Variants in ABCG5 observed in about 807,000 individuals in gnomAD.
ABCG5 encodes the protein ATP binding cassette subfamily G member 5.
Under a neutral mutation model 64.5 loss-of-function variants are expected in ABCG5, and 64 were observed. That is an observed-to-expected ratio of 0.99 (90% CI 0.81 to 1.22). ABCG5 has a LOEUF of 1.22. Among genes scored for constraint, ABCG5 ranks in the 50% most tolerant of loss-of-function variants. ABCG5 has a pLI of 0.00. For synonymous variants in ABCG5, 385 were observed against 326.3 expected (o/e 1.18, Z -1.94); for missense variants, 908 against 829.5 (o/e 1.09, Z -1.16).
At chr2:43,837,038 A>AAG (rs1176121163) in intron 2 of ABCG5, among the ~76,000 whole-genome samples, 3 of 151,594 alleles carry the variant, frequency 2.0e-5, no homozygotes, top group Non-Finnish European at 4.4e-5. Context: ...CAAAAAAGAA[A>AAG]AAAAAAGAAA....
Position 43,837,967 on chromosome 2 carries a change from A to G in ABCG5, c.144-12T>C. 6.2e-7 allele frequency: 1 copy of G among 1,613,562 alleles called. No individual in the cohort carries two copies. The highest frequency in any genetic ancestry group is 8.5e-7 in the Non-Finnish European group (1 of 1,179,732). On this transcript the variant is annotated splice_polypyrimidine_tract_variant and intron_variant, in intron 1 of 12. Coordinates refer to ENST00000405322, the MANE Select transcript of ABCG5 (RefSeq NM_022436.3). ...GCCTCACGCGGTGGCTTTAAAGGAA[A>G]CCCCAGGAAGGCAAAGGCAGCTTGG...
intron 12 of ABCG5, among the ~76,000 whole-genome samples, chr2:43,813,673 TG>T (rs1255133755): frequency 0.012 from 1,797 of 148,360 alleles, 21 homozygotes; most frequent in Non-Finnish European, 0.02. Flanking sequence ...TTTTTTTGGT[TG>T]TTTTTTTTTT....
intron 10 of ABCG5, among the ~76,000 whole-genome samples, chr2:43,822,313 T>TGAAACTCTCTCCTTCCTC (rs1667264121): frequency 6.6e-6 from 1 of 152,318 alleles, no homozygotes; most frequent in African/African-American, 2.4e-5. Flanking sequence ...GACACTTCCT[T>TGAAACTCTCTCCTTCCTC]GAAACTCTCT....
At chr2:43,829,053 A>G (rs1341907471) in intron 4 of ABCG5, among the ~76,000 whole-genome samples, 1 of 152,194 alleles carries the variant, frequency 6.6e-6, no homozygotes, top group Non-Finnish European at 1.5e-5. Flanking sequence ...AGGAAAATTA[A>G]CCAGGAAACA....
chr2:43,831,335 A>G (rs1180913358), intron 4 of ABCG5, among the ~76,000 whole-genome samples: 3 of 151,920 alleles, frequency 2.0e-5, no homozygotes, highest in African/African-American at 4.8e-5. Context: ...ACCACGTCCA[A>G]CTAATTTTTG....
intron 1 of ABCG5, 22 bp from the exon 2 acceptor site, chr2:43,837,977 G>C: frequency 1.2e-6 from 2 of 1,613,516 alleles, no homozygotes; most frequent in South Asian, 2.2e-5. Context: ...ACCCCAGGAA[G>C]GCAAAGGCAG....
chr2:43,822,467 C>G, intron 10 of ABCG5: 13 of 797,698 alleles, frequency 1.6e-5, no homozygotes, highest in Non-Finnish European at 1.9e-5. Context: ...CTGCTTTCTC[C>G]CCTCCCCCAG....
At position 43,824,332 on chromosome 2, in the gene ABCG5, A is replaced by G. The variant is rs1220080510; in HGVS notation, c.1005T>C (p.Cys335=). ...IESAYKKSAI[C]HKTLKNIERM... ...TTTCAATATTCTTCAAAGTTTTATG[A>G]CAAATTGCTGATTTCTTGTAGGCAG... Residue 335 remains cysteine (C), a synonymous_variant, in exon 8 of 13, where the codon TGT becomes TGC. Transcript: ENST00000405322. 1.2e-6 allele frequency: 2 copies of G among 1,614,076 alleles called. No homozygotes were observed. The highest frequency in any genetic ancestry group is 1.7e-5 in the Admixed American group (1 of 60,002).
chr2:43,811,193 A>G (rs1666468352), downstream of ABCG5, among the ~76,000 whole-genome samples: 2 of 152,214 alleles, frequency 1.3e-5, no homozygotes, highest in African/African-American at 4.8e-5. Context: ...TTAATAGATT[A>G]TCATCTCCAG....
chr2:43,807,771 AAAG>A (rs1666321933), downstream of ABCG5, among the ~76,000 whole-genome samples: 2 of 150,606 alleles, frequency 1.3e-5, no homozygotes, highest in Admixed American at 6.6e-5. Flanking sequence ...AAAAAAAAAA[AAAG>A]GTTACAGTTA....
downstream of ABCG5, among the ~76,000 whole-genome samples, chr2:43,807,520 A>G (rs1390790681): frequency 6.6e-6 from 1 of 151,818 alleles, no homozygotes; most frequent in Non-Finnish European, 1.5e-5. Flanking sequence ...GCTCACTGCA[A>G]CCTTGAACTC....
intron 12 of ABCG5, among the ~76,000 whole-genome samples, chr2:43,813,671 GTTGTTTTTTTT>G (rs1260129186): frequency 3.1e-5 from 2 of 64,098 alleles, no homozygotes; most frequent in African/African-American, 6.0e-5. Context: ...GATTTTTTTG[GTTGTTTTTTTT>G]TTGTTTTTTT....
the ABCG5 span, among the ~76,000 whole-genome samples, chr2:43,806,707 T>C: frequency 6.6e-6 from 1 of 152,190 alleles, no homozygotes; most frequent in Non-Finnish European, 1.5e-5. Context: ...ATCAGTATTA[T>C]TAAAGGATTA....
At chr2:43,823,548 C>T (rs4148188) in intron 9 of ABCG5, among the ~76,000 whole-genome samples, 58,942 of 151,912 alleles carry the variant, frequency 0.39, 12,006 homozygotes, top group East Asian at 0.81. Context: ...AAAATCAGCT[C>T]CAAAGAGAAG....
At position 43,824,336 on chromosome 2, in the gene ABCG5, A is replaced by C. The variant is rs1171117803; in HGVS notation, c.1001T>G (p.Ile334Ser). 18 of 1,614,146 alleles carry C rather than the reference A, an allele frequency of 1.1e-5. No individual in the cohort carries two copies. Among genetic ancestry groups the C allele is most frequent in the Non-Finnish European group, 1.5e-5 (18 of 1,180,046 alleles). Residue 334 changes from isoleucine to serine, a missense_variant, in exon 8 of 13, where the codon ATT becomes AGT. By Grantham distance (142) the Ile-to-Ser change is moderately radical. Coordinates refer to ENST00000405322, the MANE Select transcript of ABCG5 (RefSeq NM_022436.3). Reference protein sequence around the residue: ...MIESAYKKSAICHKTLKNIER... With the variant: ...MIESAYKKSASCHKTLKNIER... Reference sequence around the variant, plus strand: ...AATATTCTTCAAAGTTTTATGACAAATTGCTGATTTCTTGTAGGCAGATTC... The same window carrying C: ...AATATTCTTCAAAGTTTTATGACAACTTGCTGATTTCTTGTAGGCAGATTC...
chr2:43,822,480 C>CAA, intron 10 of ABCG5: 1 of 737,110 alleles, frequency 1.4e-6, no homozygotes, highest in Non-Finnish European at 1.6e-6. Flanking sequence ...TCCCCCAGGC[C>CAA]CCCCCCCATG....
chr2:43,814,300 C>T (rs1354894205), intron 12 of ABCG5, among the ~76,000 whole-genome samples, 177 bp downstream of exon 12: 1 of 152,152 alleles, frequency 6.6e-6, no homozygotes, highest in Non-Finnish European at 1.5e-5. Context: ...ACTAACTTGA[C>T]TACTGCTTAT....
chr2:43,827,922 A>C (rs749340927), intron 5 of ABCG5, 61 bp downstream of exon 5: 2 of 1,607,998 alleles, frequency 1.2e-6, no homozygotes, highest in East Asian at 4.5e-5. Flanking sequence ...GGCCCAAAGT[A>C]TCTGCACACA....
Position 43,812,850 on chromosome 2 carries a change from T to C in ABCG5, c.*266A>G, listed in dbSNP as rs1004610396. ...GTCACACGAGTCTCCCATAGGTTTA[T>C]GAATATTATTTACATTCTTGGGTCC... is the stretch of plus-strand genomic sequence containing the variant. On this transcript the variant is annotated 3_prime_UTR_variant, in exon 13 of 13. Coordinates refer to ENST00000405322, the MANE Select transcript of ABCG5 (RefSeq NM_022436.3). 1 of 473,056 alleles carries C rather than the reference T, an allele frequency of 2.1e-6. No homozygotes were observed. Among genetic ancestry groups the C allele is most frequent in the Non-Finnish European group, 3.8e-6 (1 of 260,428 alleles). 29.3% of individuals were successfully genotyped at this position (473,056 alleles called of 1,614,324 possible).
Sources: gnomAD v4.1 joint callset for allele counts (sites outside exome capture counted in the v4.1 genomes callset) on GRCh38, gnomAD v4.1.1 for gene constraint, MANE v1.5 for transcripts, NCBI Gene and HGNC (gene_info 2026-07-23, HGNC 2026-07-21) for gene names.